Variants in KIRREL3 observed in about 807,000 individuals in gnomAD.
KIRREL3 encodes kirre like nephrin family adhesion molecule 3, also known as kin of IRRE-like protein 3.
KIRREL3 carries 36 observed loss-of-function variants against 89.7 expected under a neutral mutation model. The observed-to-expected ratio is 0.40, with a 90% confidence interval of 0.31 to 0.53. The LOEUF (loss-of-function observed/expected upper bound fraction) is 0.53, where lower values mean the gene tolerates loss of function less well. Among genes scored for constraint, KIRREL3 ranks in the 20% least tolerant of loss-of-function variants. The probability of loss-of-function intolerance (pLI) is 0.49; values close to 1 mark genes in which losing one functional copy is unlikely to be tolerated. For synonymous variants in KIRREL3, 445 were observed against 441.4 expected, an observed-to-expected ratio of 1.01 and a Z score of -0.10; for missense variants, 864 against 1,056.6, an observed-to-expected ratio of 0.82 and a Z score of 2.53.
intron 1 of KIRREL3, among the ~76,000 whole-genome samples, chr11:126,580,350 C>T (rs570220999): frequency 2.0e-5 from 3 of 152,122 alleles, no homozygotes; most frequent in African/African-American, 4.8e-5. Flanking sequence ...GGGAGGTCTT[C>T]GTGGAGGAGG....
In KIRREL3 at chr11:126,520,470, G is replaced by A. The variant is rs1424444616; in HGVS notation, c.433+845C>T. 1.3e-5 allele frequency among the ~76,000 whole-genome samples: 2 copies of A among 152,180 alleles called. No individual in the cohort carries two copies. Among genetic ancestry groups the A allele is most frequent in the Non-Finnish European group, 2.9e-5 (2 of 68,040 alleles). On this transcript the variant is annotated intron_variant, in intron 4 of 16. Coordinates refer to ENST00000525144, the MANE Select transcript of KIRREL3 (RefSeq NM_032531.4). The surrounding 1 kb of genome is among the most constrained non-coding windows in gnomAD (Gnocchi z 4.9). Reference sequence around the variant, plus strand: ...ACCGAGCAGCGTCAGGAACAGCGGAGGTCATGTGCCTGAAAGAGCCTAGAG... The same window carrying A: ...ACCGAGCAGCGTCAGGAACAGCGGAAGTCATGTGCCTGAAAGAGCCTAGAG...
chr11:126,742,870 C>G lies in KIRREL3; in HGVS notation c.56-179958G>C, dbSNP rs985958805. On this transcript the variant is annotated intron_variant, in intron 1 of 16. Coordinates refer to ENST00000525144, the MANE Select transcript of KIRREL3 (RefSeq NM_032531.4). The surrounding 1 kb of genome is among the most constrained non-coding windows in gnomAD (Gnocchi z 5.3). The stretch of plus-strand genomic sequence containing the variant: ...TCTCTGAAGAGGCAAGAAAAAGATT[C>G]TGAAGATGATGGATCTGCATTAAGC... 6.6e-6 allele frequency among the ~76,000 whole-genome samples: 1 copy of G among 152,194 alleles called. No homozygotes were observed. The highest frequency in any genetic ancestry group is 6.5e-5 in the Admixed American group (1 of 15,278).
rs1334103364 is a variant in KIRREL3 at position 126,748,779 on chromosome 11, G to A, written c.56-185867C>T. Among the ~76,000 whole-genome samples, 1 of 152,202 alleles carries A rather than the reference G, an allele frequency of 6.6e-6. No homozygotes were observed. Among genetic ancestry groups the A allele is most frequent in the Non-Finnish European group, 1.5e-5 (1 of 68,024 alleles). On this transcript the variant is annotated intron_variant, in intron 1 of 16. Transcript: ENST00000525144. This position sits in a 1 kb window ranked among gnomAD's most constrained non-coding sequence, Gnocchi z 4.6. ...AAGCCTCTCTGCCCACCGAAACTGT[G>A]CATGGGATCCTTTTGTAATCTGTAG...
At position 126,703,577 on chromosome 11, in the gene KIRREL3, G is replaced by C. The variant is rs1947397144; in HGVS notation, c.56-140665C>G. On this transcript the variant is annotated intron_variant, in intron 1 of 16. Transcript: ENST00000525144. The surrounding 1 kb of genome is among the most constrained non-coding windows in gnomAD (Gnocchi z 4.6). ...ATCGGTCAGAGGTCAGTCAGATCGG[G>C]AGTGATGGGGCTGTAATCCAAATGC... is the stretch of plus-strand genomic sequence containing the variant. Among the ~76,000 whole-genome samples, 1 of 152,200 alleles carries C rather than the reference G, an allele frequency of 6.6e-6. No homozygotes were observed. Among genetic ancestry groups the C allele is most frequent in the African/African-American group, 2.4e-5 (1 of 41,434 alleles).
rs1957485368 is a variant in KIRREL3, at chr11:126,490,601, G to GGCTGCATGGCC, written c.434-17136_434-17135insGGCCATGCAGC. ...TTCCAGGCTGCATGGCCTTGGATAC[G>GGCTGCATGGCC]TTAATTAGTTATTTGAGCCTGTGTC... On this transcript the variant is annotated intron_variant, in intron 4 of 16. Transcript: ENST00000525144. The surrounding 1 kb of genome is among the most constrained non-coding windows in gnomAD (Gnocchi z 4.2). Among the ~76,000 whole-genome samples, 1 of 152,166 alleles carries GGCTGCATGGCC rather than the reference G, an allele frequency of 6.6e-6. No individual in the cohort carries two copies. Among genetic ancestry groups the GGCTGCATGGCC allele is most frequent in the Non-Finnish European group, 1.5e-5 (1 of 68,036 alleles).
rs190417171 is a variant in KIRREL3, at chr11:126,715,719, A to C, written c.56-152807T>G. Among the ~76,000 whole-genome samples, 1 of 152,338 alleles carries C rather than the reference A, an allele frequency of 6.6e-6. No homozygotes were observed. Among genetic ancestry groups the C allele is most frequent in the Admixed American group, 6.5e-5 (1 of 15,302 alleles). On this transcript the variant is annotated intron_variant, in intron 1 of 16. Coordinates refer to ENST00000525144, the MANE Select transcript of KIRREL3 (RefSeq NM_032531.4). This position sits in a 1 kb window ranked among gnomAD's most constrained non-coding sequence, Gnocchi z 4.4. ...AGAAGGGCAGGCAAAAGGAGGAAAG[A>C]GAATGCGGGGGAGGCAAACATCAGA... is the stretch of plus-strand genomic sequence containing the variant.
intron 4 of KIRREL3, among the ~76,000 whole-genome samples, chr11:126,478,218 C>T (rs767905633): frequency 2.0e-5 from 3 of 152,322 alleles, no homozygotes; most frequent in East Asian, 1.9e-4. Context: ...TGGCTCTTCC[C>T]GTCAATGAAG....
At chr11:126,451,485 CGCATGTGTGT>C (rs1462935688) in intron 7 of KIRREL3, among the ~76,000 whole-genome samples, 2 of 98,154 alleles carry the variant, frequency 2.0e-5, no homozygotes, top group African/African-American at 7.9e-5. Context: ...TGTGTGTGTG[CGCATGTGTGT>C]GCATGTGTGA....
At chr11:126,524,906 G>A (rs1958701807) in intron 3 of KIRREL3, among the ~76,000 whole-genome samples, 1 of 152,172 alleles carries the variant, frequency 6.6e-6, no homozygotes, top group Non-Finnish European at 1.5e-5. Flanking sequence ...TTGCCATGAT[G>A]CTATTTTTGG....
At position 126,508,843 on chromosome 11, in the gene KIRREL3, C is replaced by T. The variant is rs772883616; in HGVS notation, c.433+12472G>A. ...TGGTCAGAGGGCAGATGAAGGCATG[C>T]GAGTGGGTTCCTCAGCACAGTGCCT... On this transcript the variant is annotated intron_variant, in intron 4 of 16. Transcript: ENST00000525144. This position sits in a 1 kb window ranked among gnomAD's most constrained non-coding sequence, Gnocchi z 4.9. Among the ~76,000 whole-genome samples, 27 of 152,266 alleles carry T rather than the reference C, an allele frequency of 1.8e-4. No homozygotes were observed. The highest frequency in any genetic ancestry group is 3.1e-4 in the African/African-American group (13 of 41,550).
chr11:126,521,489 G>A lies in KIRREL3; in HGVS notation c.284-25C>T, dbSNP rs1489567635. On this transcript the variant is annotated intron_variant, in intron 3 of 16. Transcript: ENST00000525144. This position sits in a 1 kb window ranked among gnomAD's most constrained non-coding sequence, Gnocchi z 4.1. ...CCTGTGGAGACAACAGGCAGGTCAG[G>A]GAGCTGGGGTGGGGTGGAGGGGACA... 4 of 1,568,682 alleles carry A rather than the reference G, an allele frequency of 2.5e-6. No individual in the cohort carries two copies. Among genetic ancestry groups the A allele is most frequent in the African/African-American group, 2.7e-5 (2 of 74,224 alleles).
chr11:126,839,440 A>AGTTGT (rs1174441215), intron 1 of KIRREL3, among the ~76,000 whole-genome samples: 4 of 152,172 alleles, frequency 2.6e-5, no homozygotes, highest in Non-Finnish European at 5.9e-5. Context: ...GGCATTGAAA[A>AGTTGT]GTTGTGTTTT....
chr11:126,972,700 C>T (rs1422954654), intron 1 of KIRREL3, among the ~76,000 whole-genome samples: 1 of 152,122 alleles, frequency 6.6e-6, no homozygotes, highest in East Asian at 1.9e-4. Context: ...TGTTGCTTGC[C>T]ATTAAAGACC....
chr11:126,930,315 G>T (rs1225500870), intron 1 of KIRREL3, among the ~76,000 whole-genome samples: 1 of 152,076 alleles, frequency 6.6e-6, no homozygotes, highest in East Asian at 1.9e-4. Context: ...ACCTCATTGT[G>T]TTCTCCCAAG....
rs111785097 is a variant in KIRREL3, at chr11:126,900,884, G to A, written c.55+99571C>T. ...AGTTAACTCAAGTAACTGATTTTTT[G>A]TATGTAAAACTGTAGGAAAAAAGGG... is the stretch of plus-strand genomic sequence containing the variant. On this transcript the variant is annotated intron_variant, in intron 1 of 16. Transcript: ENST00000525144. The surrounding 1 kb of genome is among the most constrained non-coding windows in gnomAD (Gnocchi z 4.4). Among the ~76,000 whole-genome samples the A allele has an allele frequency of 6.6e-6, 1 of 152,148 alleles. No homozygotes were observed. Among genetic ancestry groups the A allele is most frequent in the Non-Finnish European group, 1.5e-5 (1 of 67,988 alleles).
chr11:126,574,384 C>CA lies in KIRREL3; in HGVS notation c.56-11473_56-11472insT, dbSNP rs1288583063. ...GCTCTTTTCTTCTCTTTAATGATAA[C>CA]CTTTCAGCAGTGAGTGGGCAAAGGA... On this transcript the variant is annotated intron_variant, in intron 1 of 16. Transcript: ENST00000525144. This position sits in a 1 kb window ranked among gnomAD's most constrained non-coding sequence, Gnocchi z 5.3. Among the ~76,000 whole-genome samples the CA allele has an allele frequency of 6.6e-6, 1 of 152,020 alleles. No homozygotes were observed. The highest frequency in any genetic ancestry group is 1.5e-5 in the Non-Finnish European group (1 of 68,006).
At chr11:126,974,502 C>A (rs1949515368) in intron 1 of KIRREL3, among the ~76,000 whole-genome samples, 1 of 112,066 alleles carries the variant, frequency 8.9e-6, no homozygotes, top group Admixed American at 9.5e-5. Flanking sequence ...CATGATATAG[C>A]CCGTTACACA....
chr11:126,439,905 C>T (rs535244432), intron 11 of KIRREL3, among the ~76,000 whole-genome samples: 23 of 152,044 alleles, frequency 1.5e-4, no homozygotes, highest in Admixed American at 3.9e-4. Context: ...AGGGTGGACT[C>T]CTCAGTTGCC....
intron 1 of KIRREL3, among the ~76,000 whole-genome samples, chr11:126,845,030 C>A (rs956045084): frequency 1.3e-5 from 2 of 152,124 alleles, no homozygotes; most frequent in African/African-American, 4.8e-5. Flanking sequence ...GGGCAACCAT[C>A]TTGGCCAGCG....
Sources: allele counts gnomAD v4.1 joint callset (sites outside exome capture counted in the v4.1 genomes callset), GRCh38; gene constraint gnomAD v4.1.1; non-coding constraint Gnocchi (gnomAD v3.1); transcripts MANE v1.5; gene names NCBI Gene and HGNC (gene_info 2026-07-23, HGNC 2026-07-21).